CAMTA1: variants seen among roughly 807,000 people sequenced by gnomAD.
CAMTA1 encodes the protein calmodulin-binding transcription activator 1.
In CAMTA1, 27 loss-of-function variants were observed where a neutral mutation model predicts 170.9. The observed-to-expected ratio is 0.16, with a 90% CI of 0.12 to 0.22. The LOEUF is 0.22. Among genes scored for constraint, CAMTA1 ranks in the 10% least tolerant of loss-of-function variants. The probability of loss-of-function intolerance (pLI) is 1.00; values close to 1 mark genes in which losing one functional copy is unlikely to be tolerated. For missense variants in CAMTA1, 1,619 were observed against 2,217.2 expected (o/e 0.73, Z 5.42); for synonymous variants, 833 against 891.5 (o/e 0.93, Z 1.17).
chr1:7,468,366 C>T (rs1183780395), intron 6 of CAMTA1, among the ~76,000 whole-genome samples: 1 of 152,158 alleles, frequency 6.6e-6, no homozygotes, highest in Non-Finnish European at 1.5e-5. Context: ...GGAAGGAGCT[C>T]CGTAATCGAT....
intron 6 of CAMTA1, among the ~76,000 whole-genome samples, chr1:7,617,840 T>C (rs1248669383): frequency 1.3e-5 from 2 of 152,150 alleles, no homozygotes. Flanking sequence ...GGTCCCCAAC[T>C]TCCAAGAGCC....
At chr1:7,661,904 G>T in intron 8 of CAMTA1, 38 bp downstream of exon 8, 1 of 1,565,608 alleles carries the variant, frequency 6.4e-7, no homozygotes, top group Non-Finnish European at 8.7e-7. Flanking sequence ...GCGCCACGGG[G>T]ACAGAGGGGC....
chr1:7,351,124 G>A (rs941284275), intron 5 of CAMTA1, among the ~76,000 whole-genome samples: 6 of 152,234 alleles, frequency 3.9e-5, no homozygotes, highest in Non-Finnish European at 8.8e-5. Flanking sequence ...GGACTAGGCA[G>A]CGTGACCCCC....
At chr1:7,519,538 G>T (rs1018915159) in intron 6 of CAMTA1, among the ~76,000 whole-genome samples, 5 of 151,850 alleles carry the variant, frequency 3.3e-5, no homozygotes, top group Admixed American at 3.3e-4. Context: ...CCTCAGCCAG[G>T]GACCTTCCTT....
At chr1:7,201,568 A>G (rs1353614810) in intron 4 of CAMTA1, among the ~76,000 whole-genome samples, 2 of 152,256 alleles carry the variant, frequency 1.3e-5, no homozygotes, top group Middle Eastern at 3.4e-3. Flanking sequence ...TCAGATTCTC[A>G]TCTTCCTCCT....
chr1:6,793,066 CTCTTATATATA>C (rs545638294), intron 1 of CAMTA1, among the ~76,000 whole-genome samples: 271 of 152,152 alleles, frequency 1.8e-3, no homozygotes, highest in Non-Finnish European at 3.0e-3. Flanking sequence ...ATATACCCCA[CTCTTATATATA>C]TCTTATATAT....
chr1:7,339,381 A>G (rs972601045), intron 5 of CAMTA1, among the ~76,000 whole-genome samples: 8 of 152,180 alleles, frequency 5.3e-5, no homozygotes, highest in Non-Finnish European at 1.2e-4. Flanking sequence ...CTCTCCAAGG[A>G]GGGACATTTG....
rs1306083220 is a variant in CAMTA1 at position 7,093,814 on chromosome 1, G to A, written c.302+2443G>A. Among the ~76,000 whole-genome samples, 3 of 152,174 alleles carry A rather than the reference G, an allele frequency of 2.0e-5. No individual in the cohort carries two copies. The highest frequency in any genetic ancestry group is 6.5e-5 in the Admixed American group (1 of 15,274). The stretch of plus-strand genomic sequence containing the variant: ...AAGTCCGGGTTTGAGTCCTGGCTCC[G>A]TCACTCAGTGGCTTTGCGACTGTGA... On this transcript the variant is annotated intron_variant, in intron 4 of 22. Coordinates refer to ENST00000303635, the MANE Select transcript of CAMTA1 (RefSeq NM_015215.4). This position sits in a 1 kb window ranked among gnomAD's most constrained non-coding sequence, Gnocchi z 4.6.
chr1:6,942,016 C>T (rs537330017), intron 3 of CAMTA1, among the ~76,000 whole-genome samples: 23 of 152,184 alleles, frequency 1.5e-4, no homozygotes, highest in Non-Finnish European at 2.8e-4. Context: ...GGGAAAGCTT[C>T]ACCCACGGGC....
chr1:7,028,501 T>C (rs1557993774), intron 3 of CAMTA1, among the ~76,000 whole-genome samples: 1 of 152,206 alleles, frequency 6.6e-6, no homozygotes, highest in East Asian at 1.9e-4. Context: ...TCTGAAACTA[T>C]GATTTGATTT....
At chr1:7,355,628 G>A (rs147236692) in intron 5 of CAMTA1, among the ~76,000 whole-genome samples, 1 of 152,326 alleles carries the variant, frequency 6.6e-6, no homozygotes, top group Non-Finnish European at 1.5e-5. Flanking sequence ...TCAGCGGCCA[G>A]GGCCATCTTT....
At chr1:6,791,180 T>C (rs184480555) in intron 1 of CAMTA1, among the ~76,000 whole-genome samples, 3 of 152,140 alleles carry the variant, frequency 2.0e-5, no homozygotes, top group East Asian at 1.9e-4. Flanking sequence ...TTCTTCGGCC[T>C]TTCCTTTTAT....
Position 7,766,547 on chromosome 1 carries a change from TTC to T in CAMTA1, c.*58_*59del, listed in dbSNP as rs1298406509. 1 of 1,547,976 alleles carries T rather than the reference TTC, an allele frequency of 6.5e-7. No individual in the cohort carries two copies. The highest frequency in any genetic ancestry group is 1.7e-5 in the Admixed American group (1 of 59,904). ...ACATTGCTTTTCAGACTGTTTTCAT[TTC>T]TGTTTTTAGCAGAGACATGCAACAA... On this transcript the variant is annotated 3_prime_UTR_variant, in exon 23 of 23. Transcript: ENST00000303635.
Position 7,276,561 on chromosome 1 carries a change from G to A in CAMTA1, c.438+26935G>A, listed in dbSNP as rs951523474. Among the ~76,000 whole-genome samples the A allele has an allele frequency of 4.6e-5, 7 of 151,418 alleles. No individual in the cohort carries two copies. In the East Asian group the frequency reaches 5.8e-4, roughly 13 times the overall value. Reference sequence around the variant, plus strand: ...CCTGACCTCGTGATCCGCTTGCCTCGGCCTCCCAAAGTGCTGGGATTACAG... The same window carrying A: ...CCTGACCTCGTGATCCGCTTGCCTCAGCCTCCCAAAGTGCTGGGATTACAG... On this transcript the variant is annotated intron_variant, in intron 5 of 22. Transcript: ENST00000303635.
At chr1:7,165,598 A>G (rs1306432935) in intron 4 of CAMTA1, among the ~76,000 whole-genome samples, 1 of 151,940 alleles carries the variant, frequency 6.6e-6, no homozygotes, top group Non-Finnish European at 1.5e-5. Context: ...TGCCTGACTA[A>G]TTTTAGTATT....
intron 6 of CAMTA1, among the ~76,000 whole-genome samples, chr1:7,478,945 A>C (rs541516603): frequency 6.6e-6 from 1 of 152,366 alleles, no homozygotes; most frequent in Admixed American, 6.5e-5. Context: ...TCAAGGAAAC[A>C]CTTTCTCTTT....
chr1:7,124,744 G>T (rs1227406416), intron 4 of CAMTA1, among the ~76,000 whole-genome samples: 1 of 152,260 alleles, frequency 6.6e-6, no homozygotes, highest in Non-Finnish European at 1.5e-5. Context: ...GCTGACAGCA[G>T]GAGATGGCTT....
At chr1:6,832,106 CAG>C (rs1293662026) in intron 3 of CAMTA1, among the ~76,000 whole-genome samples, 12 of 148,600 alleles carry the variant, frequency 8.1e-5, no homozygotes, top group Admixed American at 6.7e-4. Flanking sequence ...TTTTTTGAGA[CAG>C]AGTCTCATTC....
At chr1:7,571,658 G>A (rs1296859793) in intron 6 of CAMTA1, among the ~76,000 whole-genome samples, 1 of 151,584 alleles carries the variant, frequency 6.6e-6, no homozygotes, top group Admixed American at 6.6e-5. Context: ...TGCTGCAAAG[G>A]ACATGATCTT....
Sources: gnomAD v4.1 joint callset for allele counts (sites outside exome capture counted in the v4.1 genomes callset) on GRCh38, gnomAD v4.1.1 for gene constraint, Gnocchi (gnomAD v3.1) non-coding constraint, MANE v1.5 for transcripts, NCBI Gene and HGNC (gene_info 2026-07-23, HGNC 2026-07-21) for gene names.